The following FOXP2 variants were observed in gnomAD, a reference collection of about 807,000 sequenced individuals.
The protein encoded by FOXP2 is forkhead box P2.
A neutral mutation model predicts 115.8 loss-of-function variants in FOXP2; 12 were observed. The ratio of observed to expected loss-of-function variants is 0.10; its 90% CI spans 0.07 to 0.17. The LOEUF (loss-of-function observed/expected upper bound fraction) is 0.17, where lower values mean the gene tolerates loss of function less well. Among genes scored for constraint, FOXP2 ranks in the 10% least tolerant of loss-of-function variants. FOXP2 has a pLI of 1.00. For missense variants in FOXP2, 629 were observed against 843.5 expected, an observed-to-expected ratio of 0.75 and a Z score of 3.15; for synonymous variants, 328 against 297.7, an observed-to-expected ratio of 1.10 and a Z score of -1.05.
At chr7:114,095,321 T>C (rs1799623185) in intron 1 of FOXP2, among the ~76,000 whole-genome samples, 1 of 152,222 alleles carries the variant, frequency 6.6e-6, no homozygotes, top group Non-Finnish European at 1.5e-5. Context: ...ACATGTTTTC[T>C]TCCTGATACC....
intron 1 of FOXP2, among the ~76,000 whole-genome samples, chr7:114,421,661 T>C (rs1793628004): frequency 6.6e-6 from 1 of 151,732 alleles, no homozygotes; most frequent in Non-Finnish European, 1.5e-5. Flanking sequence ...ACAGATAACC[T>C]TCCCCAAATC....
At chr7:114,596,999 C>A (rs1487673823) in intron 3 of FOXP2, among the ~76,000 whole-genome samples, 1 of 151,916 alleles carries the variant, frequency 6.6e-6, no homozygotes, top group Non-Finnish European at 1.5e-5. Context: ...CTTTGTTAAT[C>A]AAAAATAATT....
intron 2 of FOXP2, among the ~76,000 whole-genome samples, chr7:114,506,814 T>C (rs1441762648): frequency 6.6e-6 from 1 of 151,740 alleles, no homozygotes; most frequent in Non-Finnish European, 1.5e-5. Context: ...TGGTTGGCAC[T>C]CACTAGGGCT....
intron 1 of FOXP2, among the ~76,000 whole-genome samples, chr7:114,238,563 G>T (rs1299099057): frequency 6.6e-6 from 1 of 152,072 alleles, no homozygotes; most frequent in East Asian, 1.9e-4. Flanking sequence ...ATCTGAGATT[G>T]GGAATTCGAG....
chr7:114,323,417 A>T (rs1797477663), intron 2 of FOXP2, among the ~76,000 whole-genome samples: 1 of 152,058 alleles, frequency 6.6e-6, no homozygotes, highest in African/African-American at 2.4e-5. Flanking sequence ...AATGAATTTA[A>T]TATCTATTAT....
chr7:114,443,116 G>A (rs1195850138), intron 2 of FOXP2, among the ~76,000 whole-genome samples: 1 of 152,144 alleles, frequency 6.6e-6, no homozygotes, highest in Admixed American at 6.6e-5. Context: ...AAGGACATAT[G>A]CTCTCCTGTG....
Position 114,142,042 on chromosome 7 carries a change from T to C in FOXP2, c.-246-20902T>C, listed in dbSNP as rs144216711. ...TTAAAGAATTAGATTGTTTTTTTTT[T>C]AGACTGAGTCTCGCTCTGTCGCCAG... On this transcript the variant is annotated intron_variant, in intron 1 of 19. Coordinates refer to the FOXP2 transcript ENST00000635638. Among the ~76,000 whole-genome samples, 5 of 152,176 alleles carry C rather than the reference T, an allele frequency of 3.3e-5. No homozygotes were observed. In the East Asian group the frequency reaches 9.7e-4, roughly 29 times the overall value.
intron 1 of FOXP2, among the ~76,000 whole-genome samples, chr7:114,089,192 A>T (rs1352110115): frequency 2.0e-5 from 3 of 152,136 alleles, no homozygotes; most frequent in African/African-American, 7.2e-5. Flanking sequence ...TAAATGTTTA[A>T]TTATGATTAA....
chr7:114,112,983 A>C (rs1791310792), intron 1 of FOXP2, among the ~76,000 whole-genome samples: 1 of 152,144 alleles, frequency 6.6e-6, no homozygotes, highest in African/African-American at 2.4e-5. Flanking sequence ...TTAATTTCAG[A>C]GTCTTGAGTG....
chr7:114,251,962 C>T (rs1299918476), intron 1 of FOXP2, among the ~76,000 whole-genome samples: 1 of 152,110 alleles, frequency 6.6e-6, no homozygotes, highest in Non-Finnish European at 1.5e-5. Flanking sequence ...TGAGATACAT[C>T]CCATCAATAC....
At chr7:114,291,053 A>G (rs1161393292) in intron 2 of FOXP2, among the ~76,000 whole-genome samples, 4 of 152,170 alleles carry the variant, frequency 2.6e-5, no homozygotes, top group Non-Finnish European at 4.4e-5. Context: ...AATGCTAAAT[A>G]TGAGTTAATT....
intron 1 of FOXP2, among the ~76,000 whole-genome samples, chr7:114,134,850 C>T (rs1791995274): frequency 6.6e-6 from 1 of 152,172 alleles, no homozygotes; most frequent in African/African-American, 2.4e-5. Flanking sequence ...GTTGCTTTAG[C>T]TTAACTTACC....
chr7:114,154,876 T>C (rs1792621660), intron 1 of FOXP2, among the ~76,000 whole-genome samples: 1 of 152,078 alleles, frequency 6.6e-6, no homozygotes, highest in Non-Finnish European at 1.5e-5. Flanking sequence ...CTTCTGTGAA[T>C]TTCTTCTGTA....
intron 1 of FOXP2, among the ~76,000 whole-genome samples, chr7:114,147,604 T>G (rs1792411747): frequency 6.6e-6 from 1 of 152,150 alleles, no homozygotes; most frequent in African/African-American, 2.4e-5. Flanking sequence ...GTATGATAAA[T>G]AGTATATTTT....
rs527920179 is a variant in FOXP2 at position 114,515,746 on chromosome 7, G to T, written c.169-18871G>T. Among the ~76,000 whole-genome samples, 313 of 152,040 alleles carry T rather than the reference G, an allele frequency of 2.1e-3. 2 individuals carry two copies. Among genetic ancestry groups the T allele is most frequent in the Middle Eastern group, 6.8e-3 (2 of 294 alleles). On this transcript the variant is annotated intron_variant, in intron 2 of 16. Transcript: ENST00000350908. Reference sequence around the variant, plus strand: ...AATTAGATCCCATTTGTCAATTTTGGCTTTTGTTGCCATTGCTTTTGGTGT... The same window carrying T: ...AATTAGATCCCATTTGTCAATTTTGTCTTTTGTTGCCATTGCTTTTGGTGT...
At chr7:114,244,739 A>G (rs1194322) in intron 1 of FOXP2, among the ~76,000 whole-genome samples, 87,279 of 151,902 alleles carry the variant, frequency 0.57, 27,559 homozygotes, top group Admixed American at 0.75. Flanking sequence ...TGTTTCTGTT[A>G]GTTTTTCCTT....
rs1806883535 is a variant in FOXP2 at position 114,661,885 on chromosome 7, T to G, written c.1648-180T>G. ...GGTTCTCTTATCACAAAGTTCAAAC[T>G]GCAGATTCCAGTAATTTGTAAGTTT... On this transcript the variant is annotated intron_variant, in intron 13 of 16. Coordinates refer to ENST00000350908, the MANE Select transcript of FOXP2 (RefSeq NM_014491.4). The G allele has an allele frequency of 8.6e-6, 6 of 694,416 alleles. No homozygotes were observed. The South Asian group carries it at 9.3e-5, about 11-fold the overall frequency. 43.0% of individuals were successfully genotyped at this position (694,416 alleles called of 1,614,324 possible).
At chr7:114,278,898 AT>A (rs200379915) in intron 1 of FOXP2, among the ~76,000 whole-genome samples, 123 of 150,592 alleles carry the variant, frequency 8.2e-4, no homozygotes, top group African/African-American at 2.4e-3. Context: ...AATGCCAGTG[AT>A]TTTTTTTTTA....
At chr7:114,620,444 A>G (rs1804186525) in intron 3 of FOXP2, among the ~76,000 whole-genome samples, 1 of 152,060 alleles carries the variant, frequency 6.6e-6, no homozygotes, top group Admixed American at 6.6e-5. Flanking sequence ...AGCTGCTTGA[A>G]GCACTTGTAA....
Sources: allele counts gnomAD v4.1 joint callset (sites outside exome capture counted in the v4.1 genomes callset), GRCh38; gene constraint gnomAD v4.1.1; transcripts MANE v1.5; gene names NCBI Gene and HGNC (gene_info 2026-07-23, HGNC 2026-07-21).